The following KLF12 variants were observed in gnomAD, a reference collection of about 807,000 sequenced individuals.
The protein encoded by KLF12 is KLF transcription factor 12.
Under a neutral mutation model 37.8 loss-of-function variants are expected in KLF12, and 9 were observed. The ratio of observed to expected loss-of-function variants is 0.24; its 90% CI spans 0.14 to 0.42. The LOEUF is 0.42. KLF12 is among the 10% of genes least tolerant of loss of function. The pLI is 1.00. For missense variants in KLF12, 411 were observed against 516.0 expected (o/e 0.80, Z 1.97); for synonymous variants, 208 against 202.1 (o/e 1.03, Z -0.25).
At chr13:74,094,857 C>T (rs1875889354) in intron 1 of KLF12, among the ~76,000 whole-genome samples, 1 of 152,174 alleles carries the variant, frequency 6.6e-6, no homozygotes, top group Non-Finnish European at 1.5e-5. Context: ...ACCTCAGCCT[C>T]CCAAAGTGCT....
the KLF12 span, among the ~76,000 whole-genome samples, chr13:74,193,135 C>A: frequency 6.6e-6 from 1 of 151,946 alleles, no homozygotes; most frequent in African/African-American, 2.4e-5. Flanking sequence ...CCTGCTACCA[C>A]GCCCAGCTAA....
At chr13:73,789,013 G>A (rs1344975804) in intron 5 of KLF12, among the ~76,000 whole-genome samples, 2 of 152,132 alleles carry the variant, frequency 1.3e-5, no homozygotes, top group African/African-American at 4.8e-5. Flanking sequence ...TGCATTTTCT[G>A]CAAGTTGTAA....
chr13:74,141,885 A>G, the KLF12 span, among the ~76,000 whole-genome samples: 1 of 152,174 alleles, frequency 6.6e-6, no homozygotes, highest in Non-Finnish European at 1.5e-5. Context: ...TTACTATGTA[A>G]TGTTTCATAA....
At chr13:73,721,719 T>TC (rs1876276966) in intron 6 of KLF12, among the ~76,000 whole-genome samples, 1 of 26,504 alleles carries the variant, frequency 3.8e-5, no homozygotes, top group Admixed American at 5.1e-4. Context: ...GCCTAGTTAA[T>TC]TTTTTTTTTT....
the KLF12 span, among the ~76,000 whole-genome samples, chr13:74,171,122 G>C: frequency 6.6e-6 from 1 of 152,144 alleles, no homozygotes; most frequent in African/African-American, 2.4e-5. Context: ...GCTCGTAATC[G>C]ACAAAGCTGG....
intron 3 of KLF12, among the ~76,000 whole-genome samples, chr13:73,858,416 A>T (rs752768708): frequency 6.6e-6 from 1 of 152,226 alleles, no homozygotes; most frequent in Non-Finnish European, 1.5e-5. Flanking sequence ...AACTGAAGGT[A>T]TGTGATTCTA....
the KLF12 span, among the ~76,000 whole-genome samples, chr13:74,279,365 C>T: frequency 6.6e-6 from 1 of 152,094 alleles, no homozygotes. Context: ...ATGACTTCCA[C>T]CCTAAATGGA....
intron 7 of KLF12, among the ~76,000 whole-genome samples, chr13:73,707,275 G>A (rs771429164): frequency 6.6e-6 from 1 of 152,154 alleles, no homozygotes; most frequent in Non-Finnish European, 1.5e-5. Flanking sequence ...ATGAGTATAT[G>A]TAAAGCACTC....
chr13:73,744,828 T>A (rs1878252847), intron 6 of KLF12, among the ~76,000 whole-genome samples: 1 of 152,198 alleles, frequency 6.6e-6, no homozygotes, highest in Non-Finnish European at 1.5e-5. Context: ...CGCATGTCTC[T>A]ACATTATTAG....
intron 5 of KLF12, among the ~76,000 whole-genome samples, chr13:73,812,227 G>C (rs1364379027): frequency 6.6e-6 from 1 of 152,016 alleles, no homozygotes; most frequent in Non-Finnish European, 1.5e-5. Flanking sequence ...CAGAGGCTGG[G>C]GTGTCAGAGA....
intron 3 of KLF12, among the ~76,000 whole-genome samples, chr13:73,894,689 A>C (rs1887676245): frequency 6.6e-6 from 1 of 152,200 alleles, no homozygotes; most frequent in Admixed American, 6.5e-5. Context: ...CACACTGAAT[A>C]GGCTTTTCTA....
intron 1 of KLF12, among the ~76,000 whole-genome samples, chr13:74,097,405 A>C (rs1290521851): frequency 6.6e-6 from 1 of 152,176 alleles, no homozygotes; most frequent in Non-Finnish European, 1.5e-5. Flanking sequence ...TCATATCAAC[A>C]ATCAAATACA....
At chr13:73,699,968 T>A (rs903332706) in intron 7 of KLF12, among the ~76,000 whole-genome samples, 1 of 152,196 alleles carries the variant, frequency 6.6e-6, no homozygotes, top group East Asian at 1.9e-4. Context: ...AAAAATGATA[T>A]ATAAATTATA....
intron 4 of KLF12, among the ~76,000 whole-genome samples, chr13:73,828,047 T>G (rs893228965): frequency 1.3e-5 from 2 of 152,186 alleles, no homozygotes; most frequent in Non-Finnish European, 2.9e-5. Flanking sequence ...GGCACTAAGC[T>G]CTCAGTCAAT....
At chr13:74,027,411 T>C (rs1893002865) in intron 1 of KLF12, among the ~76,000 whole-genome samples, 1 of 152,168 alleles carries the variant, frequency 6.6e-6, no homozygotes, top group Non-Finnish European at 1.5e-5. Context: ...CATTTTGTCT[T>C]GGGAGCGGGG....
chr13:74,020,066 T>C (rs1892802529), intron 1 of KLF12, among the ~76,000 whole-genome samples: 1 of 152,254 alleles, frequency 6.6e-6, no homozygotes, highest in South Asian at 2.1e-4. Flanking sequence ...AAATCATTCC[T>C]ACATGGAATT....
At chr13:73,899,571 G>A (rs1887944049) in intron 3 of KLF12, among the ~76,000 whole-genome samples, 1 of 152,108 alleles carries the variant, frequency 6.6e-6, no homozygotes, top group African/African-American at 2.4e-5. Context: ...TAGCTATAGG[G>A]GTGTTTCCAT....
chr13:73,712,060 C>T (rs7986017), intron 7 of KLF12, among the ~76,000 whole-genome samples: 90,402 of 152,010 alleles, frequency 0.59, 27,941 homozygotes, highest in East Asian at 0.72. Flanking sequence ...GAAGTGGAGC[C>T]GGGCGCGGTG....
intron 5 of KLF12, among the ~76,000 whole-genome samples, chr13:73,793,902 C>G (rs1881822369): frequency 6.6e-6 from 1 of 152,182 alleles, no homozygotes; most frequent in Non-Finnish European, 1.5e-5. Flanking sequence ...CAAAGGACAA[C>G]TGGTGGTCCC....
Sources: gnomAD v4.1 joint callset for allele counts (sites outside exome capture counted in the v4.1 genomes callset) on GRCh38, gnomAD v4.1.1 for gene constraint, MANE v1.5 for transcripts, NCBI Gene and HGNC (gene_info 2026-07-23, HGNC 2026-07-21) for gene names.